ADAMTS16: variants seen among roughly 807,000 people sequenced by gnomAD.
ADAMTS16 encodes A disintegrin and metalloproteinase with thrombospondin motifs 16.
In ADAMTS16, 94 loss-of-function variants were observed where a neutral mutation model predicts 145.8. The observed-to-expected ratio is 0.64, with a 90% CI of 0.55 to 0.77. The LOEUF is 0.77. ADAMTS16 is among the 30% of genes least tolerant of loss of function. ADAMTS16 has a pLI of 0.00. For synonymous variants in ADAMTS16, 659 were observed against 604.3 expected, an observed-to-expected ratio of 1.09 and a Z score of -1.33; for missense variants, 1,585 against 1,591.5, an observed-to-expected ratio of 1.00 and a Z score of 0.07.
At chr5:5,307,689 T>G (rs1740236899) in intron 21 of ADAMTS16, among the ~76,000 whole-genome samples, 1 of 152,176 alleles carries the variant, frequency 6.6e-6, no homozygotes, top group African/African-American at 2.4e-5. Flanking sequence ...TTCTCTCTCC[T>G]ATTAGCCCTC....
chr5:5,149,127 TATA>T (rs1204966365), intron 3 of ADAMTS16, among the ~76,000 whole-genome samples: 5 of 152,348 alleles, frequency 3.3e-5, no homozygotes, highest in African/African-American at 1.2e-4. Context: ...TAAACCCAAG[TATA>T]ATATATTCAA....
rs769709273 is a variant in ADAMTS16, at chr5:5,269,632, C to T, written c.2789+6849C>T. 3.3e-5 allele frequency among the ~76,000 whole-genome samples: 5 copies of T among 152,216 alleles called. No individual in the cohort carries two copies. Among genetic ancestry groups the T allele is most frequent in the South Asian group, 4.1e-4 (2 of 4,824 alleles). On this transcript the variant is annotated intron_variant, in intron 18 of 22. Coordinates refer to ENST00000274181, the MANE Select transcript of ADAMTS16 (RefSeq NM_139056.4). The surrounding 1 kb of genome is among the most constrained non-coding windows in gnomAD (Gnocchi z 4.3). ...TCCCATCACAAAGGGCAGATGGTCCCGAGCCTCTAGAGGAGCCTTTGGAAG... is the reference window on the plus strand; with the variant it reads ...TCCCATCACAAAGGGCAGATGGTCCTGAGCCTCTAGAGGAGCCTTTGGAAG...
chr5:5,250,715 G>C (rs1737597418), intron 17 of ADAMTS16, among the ~76,000 whole-genome samples: 1 of 149,712 alleles, frequency 6.7e-6, no homozygotes, highest in Admixed American at 6.8e-5. Context: ...CTCTCTGTGT[G>C]TGTGTGTGTG....
chr5:5,153,274 A>G (rs540362003), intron 3 of ADAMTS16, among the ~76,000 whole-genome samples: 1 of 152,262 alleles, frequency 6.6e-6, no homozygotes, highest in Non-Finnish European at 1.5e-5. Flanking sequence ...ATTAAAGCAC[A>G]TATGTGTACT....
At chr5:5,150,681 C>T (rs1245467847) in intron 3 of ADAMTS16, among the ~76,000 whole-genome samples, 1 of 152,210 alleles carries the variant, frequency 6.6e-6, no homozygotes, top group Admixed American at 6.5e-5. Flanking sequence ...CATGATGTTG[C>T]ATTTCCAGCA....
chr5:5,204,080 G>A (rs1199273881), intron 9 of ADAMTS16, among the ~76,000 whole-genome samples: 2 of 152,160 alleles, frequency 1.3e-5, no homozygotes, highest in East Asian at 3.9e-4. Flanking sequence ...ACTTTCCTGC[G>A]GAGGAGAGAA....
intron 18 of ADAMTS16, among the ~76,000 whole-genome samples, chr5:5,266,803 T>A (rs1738255140): frequency 6.6e-6 from 1 of 152,224 alleles, no homozygotes; most frequent in Admixed American, 6.5e-5. Context: ...ACTGTCACTC[T>A]TAGTGGTTTG....
chr5:5,238,510 A>G (rs1380307701), intron 14 of ADAMTS16, among the ~76,000 whole-genome samples: 2 of 152,212 alleles, frequency 1.3e-5, no homozygotes, highest in Non-Finnish European at 2.9e-5. Flanking sequence ...TTATAAAATT[A>G]AAAAACACTG....
chr5:5,271,682 T>C (rs957161788), intron 18 of ADAMTS16, among the ~76,000 whole-genome samples: 2 of 152,220 alleles, frequency 1.3e-5, no homozygotes, highest in African/African-American at 4.8e-5. Flanking sequence ...GGACAGGGGA[T>C]TGAAGATACA....
chr5:5,227,475 TC>T (rs1736800438), intron 11 of ADAMTS16, among the ~76,000 whole-genome samples: 1 of 151,964 alleles, frequency 6.6e-6, no homozygotes, highest in Admixed American at 6.6e-5. Context: ...GCTCCACCGG[TC>T]TGTTGTGTGC....
In ADAMTS16 at chr5:5,318,129, C is replaced by G; in HGVS notation, c.3412-5C>G. The G allele has an allele frequency of 6.3e-6, 9 of 1,431,554 alleles. No individual in the cohort carries two copies. Among genetic ancestry groups the G allele is most frequent in the Non-Finnish European group, 8.3e-6 (9 of 1,083,308 alleles). The allele number at this position is 1,431,554 out of a possible 1,614,324, so 88.7% of individuals were successfully genotyped here. A position where few individuals can be genotyped will look rare whatever the true frequency, so the allele number is the denominator to read the frequency against. On this transcript the variant is annotated splice_region_variant and splice_polypyrimidine_tract_variant and intron_variant, in intron 21 of 22. Coordinates refer to ENST00000274181, the MANE Select transcript of ADAMTS16 (RefSeq NM_139056.4). ...CATGGTGACATGTGTGTGTTGCTCT[C>G]ACAGTGCACGGCCAGCTGTGGGGGA...
At chr5:5,201,230 CAT>C (rs1437310788) in intron 9 of ADAMTS16, among the ~76,000 whole-genome samples, 1 of 152,138 alleles carries the variant, frequency 6.6e-6, no homozygotes, top group Non-Finnish European at 1.5e-5. Context: ...TGGAGGAACT[CAT>C]ATGACTGCCC....
chr5:5,260,911 T>C (rs1316259230), intron 17 of ADAMTS16, among the ~76,000 whole-genome samples: 3 of 152,224 alleles, frequency 2.0e-5, no homozygotes, highest in Non-Finnish European at 2.9e-5. Context: ...TTTGCTCCTC[T>C]GAGACAATCT....
intron 16 of ADAMTS16, among the ~76,000 whole-genome samples, chr5:5,241,434 C>A (rs748277894): frequency 6.6e-6 from 1 of 152,206 alleles, no homozygotes; most frequent in Non-Finnish European, 1.5e-5. Flanking sequence ...TAATGGGTAC[C>A]TGCCCGTAGG....
intron 21 of ADAMTS16, among the ~76,000 whole-genome samples, chr5:5,313,541 G>T (rs1335606738): frequency 2.0e-5 from 3 of 152,236 alleles, no homozygotes; most frequent in African/African-American, 7.2e-5. Flanking sequence ...CCCACATGCA[G>T]AGACAGGGTG....
intron 9 of ADAMTS16, among the ~76,000 whole-genome samples, chr5:5,208,744 C>G (rs1481419861): frequency 1.3e-5 from 2 of 152,142 alleles, no homozygotes; most frequent in African/African-American, 4.8e-5. Flanking sequence ...GTTGATTCTG[C>G]CAAGAAGTGT....
At chr5:5,155,240 G>C (rs570933189) in intron 3 of ADAMTS16, among the ~76,000 whole-genome samples, 1 of 151,982 alleles carries the variant, frequency 6.6e-6, no homozygotes, top group South Asian at 2.1e-4. Flanking sequence ...AGTCCACAAG[G>C]AACAGATAGG....
At chr5:5,285,422 T>C (rs1040553123) in intron 18 of ADAMTS16, among the ~76,000 whole-genome samples, 1 of 152,184 alleles carries the variant, frequency 6.6e-6, no homozygotes, top group East Asian at 1.9e-4. Flanking sequence ...CTCACAATGT[T>C]CCAAACTCGG....
chr5:5,208,095 G>A (rs888452074), intron 9 of ADAMTS16, among the ~76,000 whole-genome samples: 40 of 152,150 alleles, frequency 2.6e-4, no homozygotes, highest in African/African-American at 9.7e-4. Context: ...GTAGAGAATT[G>A]GTATAAGTTC....
Sources: gnomAD v4.1 joint callset for allele counts (sites outside exome capture counted in the v4.1 genomes callset) on GRCh38, gnomAD v4.1.1 for gene constraint, Gnocchi (gnomAD v3.1) non-coding constraint, MANE v1.5 for transcripts, NCBI Gene and HGNC (gene_info 2026-07-23, HGNC 2026-07-21) for gene names.